The following FHIT variants were observed in gnomAD, a reference collection of about 807,000 sequenced individuals.
FHIT encodes fragile histidine triad diadenosine triphosphatase.
Under a neutral mutation model 17.9 loss-of-function variants are expected in FHIT, and 19 were observed. The ratio of observed to expected loss-of-function variants is 1.06; its 90% CI spans 0.74 to 1.56. The LOEUF is 1.56. Ranked by LOEUF, FHIT falls within the 40% of genes most tolerant of loss-of-function variation. The probability of loss-of-function intolerance (pLI) is 0.00; values close to 1 mark genes in which losing one functional copy is unlikely to be tolerated. For synonymous variants in FHIT, 81 were observed against 69.7 expected (o/e 1.16, Z -0.81); for missense variants, 248 against 189.2 (o/e 1.31, Z -1.82).
At chr3:60,305,097 G>A (rs1405235631) in intron 5 of FHIT, among the ~76,000 whole-genome samples, 1 of 152,028 alleles carries the variant, frequency 6.6e-6, no homozygotes, top group Non-Finnish European at 1.5e-5. Context: ...GGGGGCTGGG[G>A]TTTGCAAGAA....
intron 5 of FHIT, among the ~76,000 whole-genome samples, chr3:60,244,184 CTGTTCATTCTAA>C (rs1407075607): frequency 2.6e-5 from 4 of 152,000 alleles, no homozygotes; most frequent in African/African-American, 9.7e-5. Context: ...AAATTTTCAA[CTGTTCATTCTAA>C]TGTTCAATAC....
chr3:60,406,858 T>C (rs1454677984), intron 5 of FHIT, among the ~76,000 whole-genome samples: 1 of 152,054 alleles, frequency 6.6e-6, no homozygotes, highest in African/African-American at 2.4e-5. Flanking sequence ...CAATTAGATA[T>C]TTCTCCCTAA....
chr3:59,954,983 T>C (rs908314168), intron 7 of FHIT, among the ~76,000 whole-genome samples: 1 of 152,232 alleles, frequency 6.6e-6, no homozygotes, highest in Non-Finnish European at 1.5e-5. Flanking sequence ...GCTAGTTTTC[T>C]GTGAATCATT....
chr3:60,281,450 G>A (rs781726396), intron 5 of FHIT, among the ~76,000 whole-genome samples: 2 of 152,050 alleles, frequency 1.3e-5, no homozygotes, highest in African/African-American at 2.4e-5. Flanking sequence ...AAGCTACAGC[G>A]ATCAAGACAG....
chr3:61,240,160 T>C (rs572505587), intron 1 of FHIT, among the ~76,000 whole-genome samples: 1 of 152,266 alleles, frequency 6.6e-6, no homozygotes, highest in South Asian at 2.1e-4. Context: ...CAGCTGTAGA[T>C]TTTTCTGAAG....
chr3:60,619,128 T>C (rs2039039809), intron 4 of FHIT, among the ~76,000 whole-genome samples: 2 of 152,188 alleles, frequency 1.3e-5, no homozygotes, highest in South Asian at 2.1e-4. Context: ...TGTTGCATTA[T>C]AGGTGGTCAC....
chr3:60,419,294 C>T (rs1362844118), intron 5 of FHIT, among the ~76,000 whole-genome samples: 2 of 152,156 alleles, frequency 1.3e-5, no homozygotes, highest in Non-Finnish European at 2.9e-5. Context: ...CGTCAACACT[C>T]ACCTCTCTAT....
At chr3:60,566,458 T>C (rs2037138081) in intron 4 of FHIT, among the ~76,000 whole-genome samples, 1 of 152,128 alleles carries the variant, frequency 6.6e-6, no homozygotes, top group South Asian at 2.1e-4. Flanking sequence ...GAGACGTATC[T>C]CAAAATAATA....
chr3:61,082,459 T>C (rs1317456103), intron 2 of FHIT, among the ~76,000 whole-genome samples: 1 of 152,348 alleles, frequency 6.6e-6, no homozygotes, highest in East Asian at 1.9e-4. Flanking sequence ...ATATACCCTT[T>C]TACTTATTCA....
chr3:60,425,919 C>T (rs1702646850), intron 5 of FHIT, among the ~76,000 whole-genome samples: 1 of 152,086 alleles, frequency 6.6e-6, no homozygotes, highest in African/African-American at 2.4e-5. Flanking sequence ...GAAATATGTC[C>T]TTGTCTCTGA....
At chr3:60,575,268 G>C (rs150172628) in intron 4 of FHIT, among the ~76,000 whole-genome samples, 2 of 152,250 alleles carry the variant, frequency 1.3e-5, no homozygotes, top group Non-Finnish European at 2.9e-5. Context: ...GGCTGAGAAA[G>C]GTATGTCGGA....
At chr3:60,087,071 G>A (rs532971767) in intron 5 of FHIT, among the ~76,000 whole-genome samples, 8 of 152,314 alleles carry the variant, frequency 5.3e-5, no homozygotes, top group South Asian at 4.1e-4. Context: ...GCCTGCAGAC[G>A]TAACGTCATG....
At chr3:60,619,096 C>T (rs1478692293) in intron 4 of FHIT, among the ~76,000 whole-genome samples, 3 of 152,068 alleles carry the variant, frequency 2.0e-5, no homozygotes, top group African/African-American at 7.3e-5. Flanking sequence ...CAAAGATTAA[C>T]ATAGCAACTA....
intron 7 of FHIT, among the ~76,000 whole-genome samples, chr3:60,001,752 T>C (rs1699737137): frequency 1.3e-5 from 2 of 152,184 alleles, no homozygotes; most frequent in Admixed American, 6.5e-5. Flanking sequence ...GTGAGATTCA[T>C]CGATGGTCAT....
chr3:60,785,770 C>A (rs1219626674), intron 4 of FHIT, among the ~76,000 whole-genome samples: 1 of 151,922 alleles, frequency 6.6e-6, no homozygotes, highest in Non-Finnish European at 1.5e-5. Context: ...TGCTGAAAAC[C>A]AACCATATTC....
At chr3:60,546,353 AT>A (rs1190217145) in intron 4 of FHIT, among the ~76,000 whole-genome samples, 1 of 152,124 alleles carries the variant, frequency 6.6e-6, no homozygotes, top group Non-Finnish European at 1.5e-5. Context: ...TTCTTATCCT[AT>A]CCATACTAAT....
At chr3:60,130,769 TGTGTGTGTGTGTGTG>T (rs1268991562) in intron 5 of FHIT, among the ~76,000 whole-genome samples, 1 of 184 alleles carries the variant, frequency 5.4e-3, no homozygotes, top group Non-Finnish European at 0.01. Context: ...TGTGTGTTTG[TGTGTGTGTGTGTGTG>T]GTGTGTATAT....
intron 8 of FHIT, among the ~76,000 whole-genome samples, chr3:59,809,252 G>A (rs932316947): frequency 2.6e-5 from 4 of 152,176 alleles, no homozygotes; most frequent in East Asian, 1.9e-4. Context: ...CCTAAATTCC[G>A]TGACTGGTGT....
intron 5 of FHIT, among the ~76,000 whole-genome samples, chr3:60,023,257 T>C (rs1700616654): frequency 6.6e-6 from 1 of 152,076 alleles, no homozygotes; most frequent in Non-Finnish European, 1.5e-5. Flanking sequence ...GAAGTAGAGA[T>C]GAGAAAGTAA....
Sources: gnomAD v4.1 joint callset for allele counts (sites outside exome capture counted in the v4.1 genomes callset) on GRCh38, gnomAD v4.1.1 for gene constraint, MANE v1.5 for transcripts, NCBI Gene and HGNC (gene_info 2026-07-23, HGNC 2026-07-21) for gene names.